Variants in VEZF1 observed in about 807,000 individuals in gnomAD.
The protein encoded by VEZF1 is vascular endothelial zinc finger 1.
In VEZF1, 5 loss-of-function variants were observed where a neutral mutation model predicts 44.1. The observed-to-expected ratio is 0.11, with a 90% CI of 0.06 to 0.24. VEZF1 has a LOEUF of 0.24. Ranked by LOEUF, VEZF1 falls within the 10% of genes least tolerant of loss-of-function variation. The pLI is 1.00. For synonymous variants in VEZF1, 236 were observed against 233.1 expected (o/e 1.01, Z -0.11); for missense variants, 358 against 641.8 (o/e 0.56, Z 4.78).
chr17:57,985,692 G>C (rs1207901005), intron 1 of VEZF1, among the ~76,000 whole-genome samples: 2 of 152,136 alleles, frequency 1.3e-5, no homozygotes, highest in Non-Finnish European at 1.5e-5. Context: ...CATCACCCAG[G>C]GTAGTAGGAT....
In VEZF1 at chr17:57,985,097, AATAGCTGAAG is replaced by A. The variant is rs202215959; in HGVS notation, c.34-1714_34-1705del. ...GTTTCCATACAGTATACAAATAGTTAATAGCTGAAGATAGCTGAAGATATACAATTTCAAA... is the reference window on the plus strand; with the variant it reads ...GTTTCCATACAGTATACAAATAGTTAATAGCTGAAGATATACAATTTCAAA... On this transcript the variant is annotated intron_variant, in intron 1 of 5. Coordinates refer to ENST00000581208, the MANE Select transcript of VEZF1 (RefSeq NM_007146.3). 7.0e-3 allele frequency among the ~76,000 whole-genome samples: 1,067 copies of A among 152,348 alleles called. 9 individuals are homozygous for A. The highest frequency in any genetic ancestry group is 0.031 in the South Asian group (148 of 4,832).
At chr17:57,985,957 A>C (rs2075289533) in intron 1 of VEZF1, 1 of 152,116 alleles carries the variant, frequency 6.6e-6, no homozygotes, top group Admixed American at 6.5e-5. Flanking sequence ...AATTACTTAA[A>C]ACCAGAACTG....
Position 57,980,828 on chromosome 17 carries a change from T to C in VEZF1, c.793-42A>G, listed in dbSNP as rs781098017. 6 of 1,599,216 alleles carry C rather than the reference T, an allele frequency of 3.8e-6. No homozygotes were observed. In the Middle Eastern group the frequency reaches 6.6e-4, roughly 177 times the overall value. On this transcript the variant is annotated intron_variant, in intron 3 of 5. Transcript: ENST00000581208. ...AACTTTTTTTAAATATAGACTATCC[T>C]GTTCTACTCATTTTGAAGTACGTTA...
intron 5 of VEZF1, among the ~76,000 whole-genome samples, chr17:57,975,118 G>C (rs561739421): frequency 6.6e-6 from 1 of 152,222 alleles, no homozygotes; most frequent in East Asian, 1.9e-4. Flanking sequence ...TATACCTCCT[G>C]CAAGGACTTA....
Position 57,977,893 on chromosome 17 carries a change from C to G in VEZF1, c.1138+1259G>C, listed in dbSNP as rs139594964. Among the ~76,000 whole-genome samples the G allele has an allele frequency of 2.3e-3, 342 of 150,496 alleles. 1 individual carries two copies. Among genetic ancestry groups the G allele is most frequent in the African/African-American group, 8.0e-3 (329 of 40,940 alleles). On this transcript the variant is annotated intron_variant, in intron 5 of 5. Coordinates refer to ENST00000581208, the MANE Select transcript of VEZF1 (RefSeq NM_007146.3). ...GAATGCTATTCCTTTTATTTTTATCCAAGTATAGGAGGTTTAGAGATCACT... is the reference window on the plus strand; with the variant it reads ...GAATGCTATTCCTTTTATTTTTATCGAAGTATAGGAGGTTTAGAGATCACT...
rs1206884066 is a variant in VEZF1 at position 57,981,860 on chromosome 17, T to C, written c.792+13A>G. 9.9e-6 allele frequency: 16 copies of C among 1,612,916 alleles called. No individual in the cohort carries two copies. The highest frequency in any genetic ancestry group is 1.4e-5 in the Non-Finnish European group (16 of 1,178,852). On this transcript the variant is annotated intron_variant, in intron 3 of 5. Coordinates refer to ENST00000581208, the MANE Select transcript of VEZF1 (RefSeq NM_007146.3). ...TAAGTGCTACACTAAGGATAAGTCA[T>C]TTTAACTCTTACTTGGCATTTGAAG...
chr17:57,988,099 A>T lies in VEZF1; in HGVS notation c.13T>A (p.Trp5Arg). Residue 5 changes from tryptophan (W) to arginine (R), a missense_variant, in exon 1 of 6, where the codon TGG (tryptophan) becomes AGG (arginine). Coordinates refer to ENST00000581208, the MANE Select transcript of VEZF1 (RefSeq NM_007146.3). MEAN[W>R]TAFLFQAHEA... ...AGTACCTGGAACAGGAACGCGGTCC[A>T]GTTGGCCTCCATGGCTGCGGCGGCC... is the stretch of plus-strand genomic sequence containing the variant. The T allele has an allele frequency of 1.3e-6, 1 of 767,222 alleles. No homozygotes were observed. Among genetic ancestry groups the T allele is most frequent in the South Asian group, 5.9e-5 (1 of 16,888 alleles). 47.5% of individuals were successfully genotyped at this position (767,222 alleles called of 1,614,324 possible).
At chr17:57,986,708 G>A (rs1188323041) in intron 1 of VEZF1, among the ~76,000 whole-genome samples, 2 of 152,202 alleles carry the variant, frequency 1.3e-5, no homozygotes, top group Admixed American at 6.5e-5. Context: ...CTACACAGTA[G>A]GTAATTTCTG....
rs1436281905 is a variant in VEZF1, at chr17:57,976,756, A to C, written c.1139-1856T>G. Among the ~76,000 whole-genome samples, 7 of 152,312 alleles carry C rather than the reference A, an allele frequency of 4.6e-5. No individual in the cohort carries two copies. In the South Asian group the frequency reaches 8.3e-4, roughly 18 times the overall value. On this transcript the variant is annotated intron_variant, in intron 5 of 5. Coordinates refer to ENST00000581208, the MANE Select transcript of VEZF1 (RefSeq NM_007146.3). ...TTTCATGGAAGTCAGAAGATGAGCTAAACAACCAAGTCTTATTGTGCAAGC... is the reference window on the plus strand; with the variant it reads ...TTTCATGGAAGTCAGAAGATGAGCTCAACAACCAAGTCTTATTGTGCAAGC...
chr17:57,974,413 T>C lies in VEZF1; in HGVS notation c.*60A>G, dbSNP rs947032863. On this transcript the variant is annotated 3_prime_UTR_variant, in exon 6 of 6. Transcript: ENST00000581208. ...TGGTTTACTTTTTGCTTTAATCAAC[T>C]AAAAGTTAAGTTGCTGGTAAATATT... 4.5e-6 allele frequency: 7 copies of C among 1,544,018 alleles called. No individual in the cohort carries two copies. Among genetic ancestry groups the C allele is most frequent in the African/African-American group, 1.4e-5 (1 of 72,688 alleles).
chr17:57,980,455 T>C, intron 4 of VEZF1, 148 bp downstream of exon 4: 1 of 703,082 alleles, frequency 1.4e-6, no homozygotes, highest in South Asian at 1.8e-5. Flanking sequence ...CTGACATTAA[T>C]ATACTCTGTC....
intron 4 of VEZF1, among the ~76,000 whole-genome samples, chr17:57,980,158 G>A (rs542316473): frequency 1.3e-5 from 2 of 151,998 alleles, no homozygotes; most frequent in Admixed American, 1.3e-4. Context: ...TTGAGAATTT[G>A]ATGTTTCTAC....
chr17:57,985,409 C>T, intron 1 of VEZF1: 3 of 1,225,644 alleles, frequency 2.4e-6, no homozygotes, highest in Non-Finnish European at 3.0e-6. Context: ...TTCCTAGGAT[C>T]CCCACACTTC....
chr17:57,979,431 A>G, intron 4 of VEZF1, 118 bp from the exon 5 acceptor site: 4 of 1,461,642 alleles, frequency 2.7e-6, no homozygotes, highest in Non-Finnish European at 3.6e-6. Context: ...AGCTCTTAGT[A>G]AGTGCATCTT....
At position 57,974,868 on chromosome 17, in the gene VEZF1, C is replaced by T. The variant is rs2075173626; in HGVS notation, c.1171G>A (p.Ala391Thr). The T allele has an allele frequency of 6.2e-7, 1 of 1,614,080 alleles. No individual in the cohort carries two copies. The highest frequency in any genetic ancestry group is 1.3e-5 in the African/African-American group (1 of 75,016). ...GTAGTGAGAGTCACAGGTGTCGTAG[C>T]AGCCGTGGAGGTTTGGCACAGGTTA... ...AANLCQTSTA[A>T]TTPVTLTTPF... The change falls in exon 6 of 6, where the codon GCT (alanine) becomes ACT (threonine). Residue 391 changes from alanine (A) to threonine (T), a missense_variant. By Grantham distance (58) the Ala-to-Thr change is moderately conservative. Transcript: ENST00000581208.
chr17:57,982,858 T>C lies in VEZF1; in HGVS notation c.569A>G (p.Asn190Ser), dbSNP rs745913326. ...ATCTGAATGGGAGAGCTTGTGTCGA[T>C]TGAGATGGTACACATCTCGGAAGGC... ...GKAFRDVYHLNRHKLSHSDEK... is the reference protein window; with the variant it reads ...GKAFRDVYHLSRHKLSHSDEK... The change falls in exon 2 of 6, where the codon AAT (asparagine) becomes AGT (serine). Residue 190 changes from asparagine to serine, a missense_variant. This residue lies in a region of VEZF1 where 48 missense variants were observed against 144.9 expected (regional missense o/e 0.33). Transcript: ENST00000581208. 21 of 1,614,190 alleles carry C rather than the reference T, an allele frequency of 1.3e-5. No individual in the cohort carries two copies. Among genetic ancestry groups the C allele is most frequent in the Middle Eastern group, 1.6e-4 (1 of 6,062 alleles).
At position 57,983,340 on chromosome 17, in the gene VEZF1, G is replaced by A. The variant is rs1458254912; in HGVS notation, c.87C>T (p.Pro29=). Residue 29 remains proline, a synonymous_variant, in exon 2 of 6, where the codon CCC becomes CCT. Transcript: ENST00000581208. ...GGGGCTCCACGGCAGAGCTCAGGAG[G>A]GGCAGCAAGCTGTTCTGTGCTGCCT... ...QQQAAQNSLL[P]LLSSAVEPPD... 1.9e-6 allele frequency: 3 copies of A among 1,614,036 alleles called. No individual in the cohort carries two copies. The highest frequency in any genetic ancestry group is 2.5e-6 in the Non-Finnish European group (3 of 1,180,044).
Position 57,980,541 on chromosome 17 carries a change from G to T in VEZF1, c.976+62C>A, listed in dbSNP as rs1483522229. The T allele has an allele frequency of 4.0e-6, 6 of 1,493,420 alleles. No homozygotes were observed. In the African/African-American group the frequency reaches 5.5e-5, roughly 14 times the overall value. 92.5% of individuals were successfully genotyped at this position (1,493,420 alleles called of 1,614,324 possible). On this transcript the variant is annotated intron_variant, in intron 4 of 5. Transcript: ENST00000581208. ...AATATTAATACCTTTGATACAATAT[G>T]AAAACATGCATATTTCACCCATCTG...
In VEZF1 at chr17:57,972,647, TAACA is replaced by T. The variant is rs1459991027; in HGVS notation, c.*1822_*1825del. ...ATAGGGCATGTTTACATGGACATTA[TAACA>T]AACATATACATTAAAAGTGTAGGAA... On this transcript the variant is annotated 3_prime_UTR_variant, in exon 6 of 6. Coordinates refer to ENST00000581208, the MANE Select transcript of VEZF1 (RefSeq NM_007146.3). The T allele has an allele frequency of 1.3e-5, 2 of 152,632 alleles. No individual in the cohort carries two copies. Among genetic ancestry groups the T allele is most frequent in the Non-Finnish European group, 2.9e-5 (2 of 68,032 alleles). 9.5% of individuals were successfully genotyped at this position (152,632 alleles called of 1,614,324 possible).
Sources: allele counts gnomAD v4.1 joint callset (sites outside exome capture counted in the v4.1 genomes callset), GRCh38; gene constraint gnomAD v4.1.1; regional missense constraint gnomAD v4.1.1; transcripts MANE v1.5; gene names NCBI Gene and HGNC (gene_info 2026-07-23, HGNC 2026-07-21).